Variants in PPHLN1 observed in about 807,000 individuals in gnomAD.
PPHLN1 encodes the protein periphilin 1, also known as periphilin-1.
In PPHLN1, 29 loss-of-function variants were observed where a neutral mutation model predicts 51.3. The ratio of observed to expected loss-of-function variants is 0.57; its 90% CI spans 0.42 to 0.77. PPHLN1 has a LOEUF of 0.77. Ranked by LOEUF, PPHLN1 falls within the 30% of genes least tolerant of loss-of-function variation. PPHLN1 has a pLI of 0.00. For missense variants in PPHLN1, 436 were observed against 438.4 expected (o/e 0.99, Z 0.05); for synonymous variants, 147 against 147.8 (o/e 0.99, Z 0.04).
rs2082087804 is a variant in PPHLN1, at chr12:42,432,102, C to T, written c.910-9213C>T. On this transcript the variant is annotated intron_variant, in intron 9 of 9. Transcript: ENST00000358314. ...ACCTCGACCCCCTGAAACACTTCTG[C>T]ATCTTCCTCCTGGGCATCTCCTGCT... 4 of 1,507,880 alleles carry T rather than the reference C, an allele frequency of 2.7e-6. No individual in the cohort carries two copies. In the East Asian group the frequency reaches 9.0e-5, roughly 34 times the overall value. 93.4% of individuals were successfully genotyped at this position (1,507,880 alleles called of 1,614,324 possible). A position where few individuals can be genotyped will look rare whatever the true frequency, so the allele number is the denominator to read the frequency against.
chr12:42,433,020 T>G lies in PPHLN1; in HGVS notation c.910-8295T>G, dbSNP rs1592993751. 9.0e-6 allele frequency: 10 copies of G among 1,106,312 alleles called. No individual in the cohort carries two copies. In the East Asian group the frequency reaches 2.3e-4, roughly 26 times the overall value. The allele number at this position is 1,106,312 out of a possible 1,614,324, so 68.5% of individuals were successfully genotyped here. A position where few individuals can be genotyped will look rare whatever the true frequency, so the allele number is the denominator to read the frequency against. ...GCATTTTCATTAGCACACGCCTCTCTCATATCCTCAGGAAAATCCACTGTG... is the reference window on the plus strand; with the variant it reads ...GCATTTTCATTAGCACACGCCTCTCGCATATCCTCAGGAAAATCCACTGTG... On this transcript the variant is annotated intron_variant, in intron 9 of 9. Coordinates refer to ENST00000358314, the MANE Select transcript of PPHLN1 (RefSeq NM_201439.2).
At chr12:42,376,523 A>G (rs2053945) in intron 5 of PPHLN1, among the ~76,000 whole-genome samples, 22,945 of 152,238 alleles carry the variant, frequency 0.15, 1,801 homozygotes, top group Admixed American at 0.2. Flanking sequence ...ACAGCAGCTC[A>G]TGCCTGTAAT....
chr12:42,358,361 A>G (rs1039629742), intron 4 of PPHLN1, among the ~76,000 whole-genome samples: 2 of 152,066 alleles, frequency 1.3e-5, no homozygotes, highest in African/African-American at 4.8e-5. Flanking sequence ...CTATATTCAT[A>G]AACATTTAGG....
At chr12:42,427,135 C>T (rs1417672882) in intron 9 of PPHLN1, among the ~76,000 whole-genome samples, 1 of 152,078 alleles carries the variant, frequency 6.6e-6, no homozygotes, top group African/African-American at 2.4e-5. Flanking sequence ...CAGGACATTG[C>T]ACTTTTCTGA....
chr12:42,328,273 TA>T (rs1180135404), intron 1 of PPHLN1, among the ~76,000 whole-genome samples: 1 of 152,198 alleles, frequency 6.6e-6, no homozygotes, highest in Admixed American at 6.5e-5. Flanking sequence ...CAGGCATAAT[TA>T]TATGCTTTTG....
intron 9 of PPHLN1, among the ~76,000 whole-genome samples, chr12:42,430,141 A>G (rs1049641305): frequency 6.6e-6 from 1 of 152,148 alleles, no homozygotes; most frequent in Non-Finnish European, 1.5e-5. Flanking sequence ...CTTGACCTCT[A>G]AAAGGGGTGG....
At chr12:42,438,804 A>G (rs1225798857) in intron 9 of PPHLN1, among the ~76,000 whole-genome samples, 1 of 151,954 alleles carries the variant, frequency 6.6e-6, no homozygotes, top group South Asian at 2.1e-4. Context: ...GGGTTTCATC[A>G]TATTGGTCAG....
chr12:42,400,650 T>C (rs544847828), intron 9 of PPHLN1, among the ~76,000 whole-genome samples: 69 of 152,058 alleles, frequency 4.5e-4, no homozygotes, highest in Non-Finnish European at 7.2e-4. Flanking sequence ...GCTGGAATTA[T>C]AGGTGTGAGC....
In PPHLN1 at chr12:42,441,532, A is replaced by G. The variant is rs1269722462; in HGVS notation, c.*23A>G. 1.3e-6 allele frequency: 2 copies of G among 1,529,816 alleles called. No individual in the cohort carries two copies. Among genetic ancestry groups the G allele is most frequent in the African/African-American group, 2.8e-5 (2 of 71,390 alleles). The allele number at this position is 1,529,816 out of a possible 1,614,324, so 94.8% of individuals were successfully genotyped here. ...TAGATTTTTCTGCTCAGGCTAAAAA[A>G]AAAAAAAAACAGTTTCTAAAAATTT... On this transcript the variant is annotated 3_prime_UTR_variant, in exon 10 of 10. Transcript: ENST00000358314.
At chr12:42,406,359 C>T (rs1265475065) in intron 9 of PPHLN1, among the ~76,000 whole-genome samples, 2 of 152,124 alleles carry the variant, frequency 1.3e-5, no homozygotes, top group Admixed American at 6.5e-5. Context: ...GGATTACAGG[C>T]GTGAGCCACC....
intron 2 of PPHLN1, among the ~76,000 whole-genome samples, chr12:42,336,706 C>T (rs2070717644): frequency 6.6e-6 from 1 of 152,180 alleles, no homozygotes; most frequent in African/African-American, 2.4e-5. Flanking sequence ...ACTGACTCCC[C>T]AGAATTCCCT....
chr12:42,426,274 C>T (rs1323952391), intron 9 of PPHLN1, among the ~76,000 whole-genome samples: 3 of 149,216 alleles, frequency 2.0e-5, no homozygotes, highest in Non-Finnish European at 4.4e-5. Context: ...AATCAGATGA[C>T]CTGCCTTCCA....
At chr12:42,338,776 A>G (rs1385848810) in intron 2 of PPHLN1, among the ~76,000 whole-genome samples, 1 of 152,184 alleles carries the variant, frequency 6.6e-6, no homozygotes, top group Non-Finnish European at 1.5e-5. Context: ...GTAACACTGT[A>G]TGGGCCCCGT....
chr12:42,378,300 G>T (rs2076476075), intron 5 of PPHLN1, among the ~76,000 whole-genome samples: 1 of 151,950 alleles, frequency 6.6e-6, no homozygotes, highest in Admixed American at 6.6e-5. Flanking sequence ...AGTTACATAA[G>T]ATAATCTTGC....
intron 9 of PPHLN1, chr12:42,399,553 G>C: frequency 2.2e-6 from 1 of 446,824 alleles, no homozygotes; most frequent in South Asian, 9.6e-5. Context: ...GTAACATTTT[G>C]TACAGGTGCT....
intron 4 of PPHLN1, among the ~76,000 whole-genome samples, chr12:42,365,844 C>T (rs2075217120): frequency 6.6e-6 from 1 of 152,118 alleles, no homozygotes. Context: ...CCTCATAATC[C>T]TGGTTGTATT....
intron 9 of PPHLN1, among the ~76,000 whole-genome samples, chr12:42,415,423 G>A (rs886683990): frequency 2.0e-5 from 3 of 152,196 alleles, no homozygotes; most frequent in East Asian, 1.9e-4. Flanking sequence ...CACCCGCCTC[G>A]GCCTCCCAAA....
chr12:42,412,269 C>G (rs899115593), intron 9 of PPHLN1, among the ~76,000 whole-genome samples: 2 of 146,804 alleles, frequency 1.4e-5, no homozygotes, highest in Non-Finnish European at 3.0e-5. Context: ...TTGTGAGTCT[C>G]CATAGTCCAT....
chr12:42,330,920 A>G (rs1027969496), intron 1 of PPHLN1, among the ~76,000 whole-genome samples: 1 of 152,220 alleles, frequency 6.6e-6, no homozygotes, highest in Non-Finnish European at 1.5e-5. Context: ...CATGTCAGCC[A>G]GGATGGTCTC....
Sources: allele counts gnomAD v4.1 joint callset (sites outside exome capture counted in the v4.1 genomes callset), GRCh38; gene constraint gnomAD v4.1.1; transcripts MANE v1.5; gene names NCBI Gene and HGNC (gene_info 2026-07-23, HGNC 2026-07-21).